NTN1: variants seen among roughly 807,000 people sequenced by gnomAD.
NTN1 encodes netrin-1.
A neutral mutation model predicts 54.2 loss-of-function variants in NTN1; 11 were observed. That is an observed-to-expected ratio of 0.20 (90% CI 0.13 to 0.34). The LOEUF is 0.34. Ranked by LOEUF, NTN1 falls within the 10% of genes least tolerant of loss-of-function variation. NTN1 has a pLI of 1.00. For synonymous variants in NTN1, 371 were observed against 382.0 expected (o/e 0.97, Z 0.33); for missense variants, 740 against 893.1 (o/e 0.83, Z 2.18).
chr17:9,229,092 CTGAGACTGTGACTG>C (rs1905715718), intron 6 of NTN1, among the ~76,000 whole-genome samples: 1 of 2,630 alleles, frequency 3.8e-4, no homozygotes, highest in Non-Finnish European at 6.9e-4. Flanking sequence ...GTGTGTGTGA[CTGAGACTGTGACTG>C]TGAGTGTGTG....
rs1276521215 is a variant in NTN1 at position 9,165,968 on chromosome 17, G to A, written c.1207+2967G>A. 6.6e-6 allele frequency among the ~76,000 whole-genome samples: 1 copy of A among 152,202 alleles called. No individual in the cohort carries two copies. Among genetic ancestry groups the A allele is most frequent in the Non-Finnish European group, 1.5e-5 (1 of 68,026 alleles). On this transcript the variant is annotated intron_variant, in intron 3 of 6. Coordinates refer to ENST00000173229, the MANE Select transcript of NTN1 (RefSeq NM_004822.3). The surrounding 1 kb of genome is among the most constrained non-coding windows in gnomAD (Gnocchi z 4.5). ...TGGTGAAGAAAGACATCTCTGGAAA[G>A]TCCAGATCTTTCCCCTCAGCTCTTT... is the stretch of plus-strand genomic sequence containing the variant.
At chr17:9,117,791 G>C (rs9901438) in intron 2 of NTN1, among the ~76,000 whole-genome samples, 5 of 121,762 alleles carry the variant, frequency 4.1e-5, no homozygotes, top group African/African-American at 1.6e-4. Flanking sequence ...AAAAAAACAA[G>C]CTTCCATGTG....
At chr17:9,004,849 G>A in the NTN1 span, among the ~76,000 whole-genome samples, 1 of 152,236 alleles carries the variant, frequency 6.6e-6, no homozygotes, top group African/African-American at 2.4e-5. Flanking sequence ...ATCTTAGCTC[G>A]GTTGAGAGGC....
At chr17:9,134,601 A>G (rs531283798) in intron 2 of NTN1, among the ~76,000 whole-genome samples, 1 of 152,220 alleles carries the variant, frequency 6.6e-6, no homozygotes, top group Non-Finnish European at 1.5e-5. Flanking sequence ...TAAGTCTAAC[A>G]TGCAGCCGGG....
At chr17:9,167,747 G>C (rs1324621212) in intron 3 of NTN1, among the ~76,000 whole-genome samples, 1 of 144,572 alleles carries the variant, frequency 6.9e-6, no homozygotes, top group African/African-American at 2.6e-5. Context: ...TGCTGGATGG[G>C]GAGGAAATGA....
intron 6 of NTN1, among the ~76,000 whole-genome samples, chr17:9,225,879 T>G (rs1461708698): frequency 1.3e-5 from 2 of 152,212 alleles, no homozygotes; most frequent in African/African-American, 4.8e-5. Flanking sequence ...CTGCCCCTGC[T>G]GGGTGAAGAG....
chr17:9,226,517 TGGTCTCGTGGGGAGGC>T (rs1567745078), intron 6 of NTN1, among the ~76,000 whole-genome samples: 5 of 54,580 alleles, frequency 9.2e-5, no homozygotes, highest in Non-Finnish European at 1.4e-4. Context: ...CGTGGGGAGG[TGGTCTCGTGGGGAGGC>T]GGTCTCGTGG....
At position 9,084,089 on chromosome 17, in the gene NTN1, A is replaced by G. The variant is rs145721456; in HGVS notation, c.1018+60698A>G. ...TGGAAAGCTTCCGAAATATATTTCC[A>G]AAAGGATACAGTTTGTAGAAATGCA... On this transcript the variant is annotated intron_variant, in intron 2 of 6. Transcript: ENST00000173229. Among the ~76,000 whole-genome samples, 62 of 152,306 alleles carry G rather than the reference A, an allele frequency of 4.1e-4. 1 individual carries two copies. Among genetic ancestry groups the G allele is most frequent in the African/African-American group, 1.5e-3 (61 of 41,566 alleles).
intron 5 of NTN1, among the ~76,000 whole-genome samples, chr17:9,188,462 A>G (rs1260501884): frequency 7.9e-6 from 1 of 125,960 alleles, no homozygotes; most frequent in Non-Finnish European, 1.6e-5. Flanking sequence ...AATCTTATAT[A>G]TATTTTGCCA....
At chr17:9,150,730 G>A (rs758904050) in intron 2 of NTN1, among the ~76,000 whole-genome samples, 2 of 152,168 alleles carry the variant, frequency 1.3e-5, no homozygotes, top group African/African-American at 4.8e-5. Context: ...AAAGCCTTAG[G>A]GGGAGGCATA....
intron 2 of NTN1, among the ~76,000 whole-genome samples, chr17:9,033,344 T>A (rs1414596491): frequency 6.6e-6 from 1 of 152,220 alleles, no homozygotes; most frequent in Non-Finnish European, 1.5e-5. Context: ...TCCTATTTCT[T>A]ACCTCAGTTT....
chr17:9,122,640 G>A (rs1165709177), intron 2 of NTN1, among the ~76,000 whole-genome samples: 1 of 152,150 alleles, frequency 6.6e-6, no homozygotes, highest in Non-Finnish European at 1.5e-5. Context: ...ATGTGGCAAA[G>A]GCAATATCTA....
At chr17:9,083,184 C>T (rs376089484) in intron 2 of NTN1, among the ~76,000 whole-genome samples, 5 of 152,252 alleles carry the variant, frequency 3.3e-5, no homozygotes, top group Admixed American at 6.5e-5. Flanking sequence ...CTGCAAGCTC[C>T]GCCTCCCAGG....
In NTN1 at chr17:9,219,838, C is replaced by T. The variant is rs556363122; in HGVS notation, c.1412-1330C>T. On this transcript the variant is annotated intron_variant, in intron 5 of 6. Coordinates refer to ENST00000173229, the MANE Select transcript of NTN1 (RefSeq NM_004822.3). This position sits in a 1 kb window ranked among gnomAD's most constrained non-coding sequence, Gnocchi z 4.5. ...TGGAGCAGCCGCCCGTGTGTGTGCA[C>T]GTGTGTGTGCACGTGTGTGTTGAAT... is the stretch of plus-strand genomic sequence containing the variant. Among the ~76,000 whole-genome samples the T allele has an allele frequency of 5.6e-4, 85 of 151,906 alleles. No individual in the cohort carries two copies. The highest frequency in any genetic ancestry group is 1.0e-3 in the Non-Finnish European group (69 of 67,968).
chr17:9,243,988 C>A lies in NTN1; in HGVS notation c.*4020C>A, dbSNP rs1906326637. 6.6e-6 allele frequency: 1 copy of A among 151,528 alleles called. No individual in the cohort carries two copies. The highest frequency in any genetic ancestry group is 1.5e-5 in the Non-Finnish European group (1 of 68,008). 9.4% of individuals were successfully genotyped at this position (151,528 alleles called of 1,614,324 possible). A position where few individuals can be genotyped will look rare whatever the true frequency, so the allele number is the denominator to read the frequency against. On this transcript the variant is annotated 3_prime_UTR_variant, in exon 7 of 7. Coordinates refer to ENST00000173229, the MANE Select transcript of NTN1 (RefSeq NM_004822.3). ...CTAAATTCAGATATCATTAAATAAA[C>A]TCTTGTACACTATGCCGTCTCGCAG...
intron 5 of NTN1, among the ~76,000 whole-genome samples, chr17:9,208,934 GCT>G (rs1905032436): frequency 6.6e-6 from 1 of 152,212 alleles, no homozygotes; most frequent in Non-Finnish European, 1.5e-5. Flanking sequence ...TCAGATCTCA[GCT>G]CTCCTCCTGG....
At chr17:9,228,851 T>TGA (rs1555579163) in intron 6 of NTN1, among the ~76,000 whole-genome samples, 22 of 104,798 alleles carry the variant, frequency 2.1e-4, no homozygotes, top group Non-Finnish European at 3.2e-4. Flanking sequence ...TGTGTGTGTG[T>TGA]GACTGTGTAT....
At chr17:9,088,699 G>T (rs1404721250) in intron 2 of NTN1, among the ~76,000 whole-genome samples, 1 of 152,122 alleles carries the variant, frequency 6.6e-6, no homozygotes, top group Non-Finnish European at 1.5e-5. Context: ...CTTCTTTGCA[G>T]GTTTTGGGTT....
intron 2 of NTN1, among the ~76,000 whole-genome samples, chr17:9,062,305 G>T (rs1021790239): frequency 1.3e-5 from 2 of 152,200 alleles, no homozygotes; most frequent in Non-Finnish European, 2.9e-5. Flanking sequence ...CTAGGAAAAT[G>T]CTGTTTCTGT....
Sources: gnomAD v4.1 joint callset for allele counts (sites outside exome capture counted in the v4.1 genomes callset) on GRCh38, gnomAD v4.1.1 for gene constraint, Gnocchi (gnomAD v3.1) non-coding constraint, MANE v1.5 for transcripts, NCBI Gene and HGNC (gene_info 2026-07-23, HGNC 2026-07-21) for gene names.